CHRM2: variants seen among roughly 807,000 people sequenced by gnomAD.
CHRM2 encodes the protein cholinergic receptor muscarinic 2, also known as muscarinic acetylcholine receptor M2.
CHRM2 carries 8 observed loss-of-function variants against 25.0 expected under a neutral mutation model. The ratio of observed to expected loss-of-function variants is 0.32; its 90% CI spans 0.19 to 0.58. The LOEUF is 0.58. Ranked by LOEUF, CHRM2 falls within the 20% of genes least tolerant of loss-of-function variation. The probability of loss-of-function intolerance (pLI) is 0.88; values close to 1 mark genes in which losing one functional copy is unlikely to be tolerated. For synonymous variants in CHRM2, 202 were observed against 205.7 expected (o/e 0.98, Z 0.15); for missense variants, 440 against 567.1 (o/e 0.78, Z 2.28).
intron 2 of CHRM2, among the ~76,000 whole-genome samples, chr7:136,971,326 C>T (rs1039022513): frequency 2.6e-5 from 4 of 152,174 alleles, no homozygotes; most frequent in African/African-American, 9.7e-5. Context: ...TTAGACCACA[C>T]TAGTTCAGTA....
intron 2 of CHRM2, among the ~76,000 whole-genome samples, chr7:136,913,570 T>TACCTAATCACCAAAATAACCAAA (rs557951040): frequency 1.3e-5 from 2 of 151,926 alleles, no homozygotes; most frequent in Non-Finnish European, 2.9e-5. Context: ...TAATAACCAA[T>TACCTAATCACCAAAATAACCAAA]ACCTAATCAC....
intron 2 of CHRM2, among the ~76,000 whole-genome samples, chr7:136,921,523 A>G (rs559035851): frequency 2.0e-5 from 3 of 152,202 alleles, no homozygotes; most frequent in Admixed American, 2.0e-4. Flanking sequence ...GAGGACTTTC[A>G]GCATGTGGCC....
intron 2 of CHRM2, among the ~76,000 whole-genome samples, chr7:136,894,380 AT>A (rs953827569): frequency 6.6e-6 from 1 of 151,912 alleles, no homozygotes; most frequent in South Asian, 2.1e-4. Context: ...CTATTTTTAG[AT>A]TTTTTTTGAG....
intron 3 of CHRM2, among the ~76,000 whole-genome samples, chr7:137,003,487 C>T (rs1440987179): frequency 0.034 from 176 of 5,138 alleles, 2 homozygotes; most frequent in African/African-American, 0.083. Flanking sequence ...CACACACACA[C>T]ACACACACAC....
chr7:136,874,140 T>G (rs1795955025), intron 2 of CHRM2, among the ~76,000 whole-genome samples: 1 of 152,222 alleles, frequency 6.6e-6, no homozygotes, highest in African/African-American at 2.4e-5. Context: ...CATTTTTTCA[T>G]GCTAAATGAG....
intron 2 of CHRM2, among the ~76,000 whole-genome samples, chr7:136,914,528 G>A (rs1798001748): frequency 6.6e-6 from 1 of 151,830 alleles, no homozygotes; most frequent in African/African-American, 2.4e-5. Flanking sequence ...AGCCCATGAT[G>A]GAGTCAGAAT....
chr7:136,871,601 T>C (rs1480582049), intron 2 of CHRM2: 1 of 152,402 alleles, frequency 6.6e-6, no homozygotes, highest in East Asian at 1.9e-4. Flanking sequence ...ATAGGAAATA[T>C]ATGCATTTTC....
chr7:136,886,991 T>C (rs1796493600), intron 2 of CHRM2, among the ~76,000 whole-genome samples: 1 of 152,230 alleles, frequency 6.6e-6, no homozygotes, highest in African/African-American at 2.4e-5. Flanking sequence ...TTCTGTAAGA[T>C]GTAGGCCAAA....
intron 2 of CHRM2, among the ~76,000 whole-genome samples, chr7:136,887,098 T>C (rs1372448334): frequency 1.3e-5 from 2 of 152,188 alleles, no homozygotes; most frequent in Non-Finnish European, 2.9e-5. Flanking sequence ...TTCAGGCTTT[T>C]TATGAGTAGA....
chr7:136,980,220 G>A (rs544706017), intron 2 of CHRM2, among the ~76,000 whole-genome samples: 2 of 152,282 alleles, frequency 1.3e-5, no homozygotes, highest in African/African-American at 4.8e-5. Context: ...GTGAATGGGA[G>A]TTCACTCATG....
intron 2 of CHRM2, among the ~76,000 whole-genome samples, chr7:136,897,035 T>C (rs74877070): frequency 0.01 from 1,524 of 150,940 alleles, 31 homozygotes; most frequent in African/African-American, 0.035. Flanking sequence ...GTCAGTGTGG[T>C]AGGCAAGGAG....
intron 2 of CHRM2, among the ~76,000 whole-genome samples, chr7:136,929,359 T>C (rs1236457817): frequency 1.3e-5 from 2 of 151,930 alleles, no homozygotes; most frequent in Non-Finnish European, 2.9e-5. Context: ...CTGAGAAGTT[T>C]ATATGTTCTG....
chr7:136,927,804 T>C (rs1798834861), intron 2 of CHRM2, among the ~76,000 whole-genome samples: 1 of 152,108 alleles, frequency 6.6e-6, no homozygotes, highest in Non-Finnish European at 1.5e-5. Context: ...TAAATATAGG[T>C]ATTGAAGGGA....
chr7:136,934,589 C>T (rs1799305298), intron 2 of CHRM2, among the ~76,000 whole-genome samples: 1 of 152,030 alleles, frequency 6.6e-6, no homozygotes, highest in Non-Finnish European at 1.5e-5. Flanking sequence ...AACAATATTC[C>T]TTTCTGGCCA....
intron 2 of CHRM2, among the ~76,000 whole-genome samples, chr7:136,872,372 C>T (rs1386963912): frequency 6.6e-6 from 1 of 152,142 alleles, no homozygotes; most frequent in Non-Finnish European, 1.5e-5. Flanking sequence ...GTAAAAGTCC[C>T]TTTGGAGTGA....
intron 3 of CHRM2, among the ~76,000 whole-genome samples, chr7:136,993,350 C>G (rs1803359306): frequency 1.3e-5 from 2 of 152,214 alleles, no homozygotes; most frequent in Non-Finnish European, 2.9e-5. Flanking sequence ...CTCTTACTAG[C>G]TGGCACATAA....
Position 137,017,059 on chromosome 7 carries a change from A to C in CHRM2, c.*793A>C, listed in dbSNP as rs545061925. ...TCCTTTGCATTCGTTGGGGATATCA[A>C]GGTCTATAAGGATTTAGTGCACTTA... On this transcript the variant is annotated 3_prime_UTR_variant, in exon 4 of 4. Coordinates refer to ENST00000680005, the MANE Select transcript of CHRM2 (RefSeq NM_001006630.2). The C allele has an allele frequency of 1.9e-5, 3 of 160,590 alleles. No individual in the cohort carries two copies. In the East Asian group the frequency reaches 5.8e-4, roughly 31 times the overall value. 9.9% of individuals were successfully genotyped at this position (160,590 alleles called of 1,614,324 possible).
Position 137,017,637 on chromosome 7 carries a change from T to G in CHRM2, c.*1371T>G, listed in dbSNP as rs2131140965. 1 of 152,084 alleles carries G rather than the reference T, an allele frequency of 6.6e-6. No homozygotes were observed. The highest frequency in any genetic ancestry group is 2.4e-5 in the African/African-American group (1 of 41,554). The allele number at this position is 152,084 out of a possible 1,614,324, so 9.4% of individuals were successfully genotyped here. A position where few individuals can be genotyped will look rare whatever the true frequency, so the allele number is the denominator to read the frequency against. ...TCAAATTGTCAATTCTCCCTAACAT[T>G]ATTTAACTTCAAAATTCTCTTATCA... On this transcript the variant is annotated 3_prime_UTR_variant, in exon 4 of 4. Transcript: ENST00000680005.
At chr7:136,924,498 G>C (rs1452242535) in intron 2 of CHRM2, among the ~76,000 whole-genome samples, 1 of 151,968 alleles carries the variant, frequency 6.6e-6, no homozygotes, top group Non-Finnish European at 1.5e-5. Flanking sequence ...TGCTGAGAAT[G>C]ATGGTTTCCA....
Sources: allele counts gnomAD v4.1 joint callset (sites outside exome capture counted in the v4.1 genomes callset), GRCh38; gene constraint gnomAD v4.1.1; transcripts MANE v1.5; gene names NCBI Gene and HGNC (gene_info 2026-07-23, HGNC 2026-07-21).